Variants in FANK1 observed in about 807,000 individuals in gnomAD.
FANK1 encodes fibronectin type 3 and ankyrin repeat domains protein 1.
A neutral mutation model predicts 45.3 loss-of-function variants in FANK1; 44 were observed. That is an observed-to-expected ratio of 0.97 (90% CI 0.76 to 1.25). The LOEUF is 1.25. Ranked by LOEUF, FANK1 falls within the 50% of genes most tolerant of loss-of-function variation. FANK1 has a pLI of 0.00. For synonymous variants in FANK1, 149 were observed against 152.5 expected, an observed-to-expected ratio of 0.98 and a Z score of 0.17; for missense variants, 391 against 424.4, an observed-to-expected ratio of 0.92 and a Z score of 0.69.
chr10:125,981,496 C>CAAAAAAAAAA (rs60627576), intron 2 of FANK1, among the ~76,000 whole-genome samples: 2 of 117,338 alleles, frequency 1.7e-5, no homozygotes, highest in African/African-American at 6.8e-5. Context: ...GACCCTGTCT[C>CAAAAAAAAAA]AAAAAAAAAA....
chr10:125,952,837 A>G (rs1949337530), intron 1 of FANK1, among the ~76,000 whole-genome samples: 1 of 146,372 alleles, frequency 6.8e-6, no homozygotes, highest in Non-Finnish European at 1.5e-5. Context: ...ACACACACAC[A>G]CACACACACA....
At chr10:125,955,637 C>T (rs1428770408) in intron 1 of FANK1, among the ~76,000 whole-genome samples, 4 of 152,160 alleles carry the variant, frequency 2.6e-5, no homozygotes, top group African/African-American at 9.7e-5. Flanking sequence ...TATGCCACCA[C>T]ACCCAGCTAA....
rs1314899984 is a variant in FANK1, at chr10:125,949,703, A to C, written c.14-30458A>C. ...GGCCATACTGCCCAAGGTAATTTACAGATTCAATGCCATCCCCATCAAGCT... is the reference window on the plus strand; with the variant it reads ...GGCCATACTGCCCAAGGTAATTTACCGATTCAATGCCATCCCCATCAAGCT... On this transcript the variant is annotated intron_variant, in intron 1 of 10. Transcript: ENST00000368693. Among the ~76,000 whole-genome samples the C allele has an allele frequency of 4.1e-5, 6 of 147,798 alleles. No individual in the cohort carries two copies. The East Asian group carries it at 1.2e-3, about 31-fold the overall frequency.
intron 1 of FANK1, among the ~76,000 whole-genome samples, chr10:125,924,322 C>T (rs1478861192): frequency 3.3e-5 from 5 of 150,214 alleles, no homozygotes; most frequent in South Asian, 2.1e-4. Flanking sequence ...GGCACAATCT[C>T]GGCTCACTGC....
intron 1 of FANK1, among the ~76,000 whole-genome samples, chr10:125,967,394 G>A (rs1950249996): frequency 6.6e-6 from 1 of 152,142 alleles, no homozygotes; most frequent in Non-Finnish European, 1.5e-5. Flanking sequence ...TTGTTGTGAA[G>A]ATTAAATAGT....
At chr10:126,008,988 T>G in intron 8 of FANK1, 66 bp from the exon 9 acceptor site, 3 of 1,492,178 alleles carry the variant, frequency 2.0e-6, no homozygotes, top group Non-Finnish European at 2.8e-6. Flanking sequence ...GCCAGGCTCA[T>G]GCCCCCTGCT....
chr10:125,916,036 ATTTT>A (rs79841342), intron 1 of FANK1, among the ~76,000 whole-genome samples: 376 of 147,922 alleles, frequency 2.5e-3, no homozygotes, highest in African/African-American at 9.0e-3. Flanking sequence ...AGTAATGAGA[ATTTT>A]TTTTTTTTCT....
chr10:125,948,631 A>C (rs1337734238), intron 1 of FANK1, among the ~76,000 whole-genome samples: 2 of 152,246 alleles, frequency 1.3e-5, no homozygotes, highest in African/African-American at 4.8e-5. Context: ...ATAGTTTTCC[A>C]ACCAAAAAGA....
At chr10:125,929,336 T>G (rs914467176) in intron 1 of FANK1, among the ~76,000 whole-genome samples, 8 of 152,158 alleles carry the variant, frequency 5.3e-5, no homozygotes, top group Non-Finnish European at 1.0e-4. Context: ...GTATCCTGAG[T>G]GTGGAGACCT....
intron 1 of FANK1, among the ~76,000 whole-genome samples, chr10:125,959,568 G>A (rs1453428233): frequency 1.3e-5 from 2 of 152,080 alleles, no homozygotes. Flanking sequence ...TAATCTTTCT[G>A]GATGAGTTTG....
intron 2 of FANK1, chr10:125,980,735 A>C (rs1951151308): frequency 5.8e-6 from 1 of 170,964 alleles, no homozygotes; most frequent in East Asian, 1.8e-4. Flanking sequence ...CCCCTTGTCA[A>C]CTCTCTTATA....
rs34132526 is a variant in FANK1 at position 125,906,515 on chromosome 10, C to CAAAAAAA, written c.13+9883_13+9889dup. Among the ~76,000 whole-genome samples, 140 of 46,416 alleles carry CAAAAAAA rather than the reference C, an allele frequency of 3.0e-3. 6 individuals carry two copies. The highest frequency in any genetic ancestry group is 9.7e-3 in the African/African-American group (130 of 13,426). The allele number at this position is 46,416 out of a possible 152,430, so 30.5% of individuals were successfully genotyped here. On this transcript the variant is annotated intron_variant, in intron 1 of 10. Coordinates refer to ENST00000368693, the MANE Select transcript of FANK1 (RefSeq NM_145235.5). ...TTGGGGACAGAGCAAGACTCTGTCT[C>CAAAAAAA]AAAAAAAAAAAAAAAAAAAAAAAAA...
chr10:125,924,171 G>A (rs1239103930), intron 1 of FANK1, among the ~76,000 whole-genome samples: 2 of 151,824 alleles, frequency 1.3e-5, no homozygotes, highest in African/African-American at 4.8e-5. Context: ...TGTTTCTTTT[G>A]TATTTCATTT....
At chr10:125,989,321 A>G in intron 3 of FANK1, 1 of 1,551,122 alleles carries the variant, frequency 6.4e-7, no homozygotes, top group Non-Finnish European at 8.7e-7. Flanking sequence ...TAGGATGGTC[A>G]CAAGTGTTCT....
intron 5 of FANK1, among the ~76,000 whole-genome samples, chr10:125,996,942 A>G (rs530921202): frequency 6.6e-6 from 1 of 152,220 alleles, no homozygotes; most frequent in Non-Finnish European, 1.5e-5. Context: ...AGAGAGGGAT[A>G]TTCTGGAAAA....
Position 126,009,025 on chromosome 10 carries a change from T to C in FANK1, c.850-29T>C, listed in dbSNP as rs529152941. 1.9e-6 allele frequency: 3 copies of C among 1,609,716 alleles called. No individual in the cohort carries two copies. The South Asian group carries it at 3.3e-5, about 18-fold the overall frequency. On this transcript the variant is annotated intron_variant, in intron 8 of 10. Transcript: ENST00000368693. ...TGTGTGCCCTGGAGGGAGAAGCTCA[T>C]GCACACCACCCTGGGTTTTGTTTTC...
intron 1 of FANK1, among the ~76,000 whole-genome samples, chr10:125,969,407 A>G (rs561223181): frequency 2.0e-4 from 31 of 151,756 alleles, no homozygotes; most frequent in Non-Finnish European, 3.5e-4. Context: ...CCAAGAAAAA[A>G]TAGTTCTAAA....
At chr10:125,970,685 G>C (rs901724624) in intron 1 of FANK1, among the ~76,000 whole-genome samples, 1 of 152,172 alleles carries the variant, frequency 6.6e-6, no homozygotes, top group African/African-American at 2.4e-5. Flanking sequence ...GTGACAGCGC[G>C]CGCCTGCAAT....
chr10:125,980,078 A>G, intron 1 of FANK1, 83 bp from the exon 2 acceptor site: 1 of 1,427,088 alleles, frequency 7.0e-7, no homozygotes, highest in Non-Finnish European at 9.5e-7. Context: ...TAGCTCGATC[A>G]CCAAGCAGCT....
Sources: allele counts gnomAD v4.1 joint callset (sites outside exome capture counted in the v4.1 genomes callset), GRCh38; gene constraint gnomAD v4.1.1; transcripts MANE v1.5; gene names NCBI Gene and HGNC (gene_info 2026-07-23, HGNC 2026-07-21).